Variants in DLG2 observed in about 807,000 individuals in gnomAD.
The protein encoded by DLG2 is disks large homolog 2.
Under a neutral mutation model 132.5 loss-of-function variants are expected in DLG2, and 45 were observed. The ratio of observed to expected loss-of-function variants is 0.34; its 90% confidence interval spans 0.27 to 0.44. DLG2 has a LOEUF of 0.44. Ranked by LOEUF, DLG2 falls within the 20% of genes least tolerant of loss-of-function variation. The pLI is 1.00. For missense variants in DLG2, 1,045 were observed against 1,196.9 expected (o/e 0.87, Z 1.87); for synonymous variants, 424 against 419.6 (o/e 1.01, Z -0.13).
chr11:85,479,854 A>C (rs902127791), intron 3 of DLG2, among the ~76,000 whole-genome samples: 9 of 152,134 alleles, frequency 5.9e-5, no homozygotes, highest in Admixed American at 4.6e-4. Flanking sequence ...TCTTCTCCCA[A>C]TGTCTTCACA....
chr11:85,122,955 A>ATATATATAT (rs1555376332), intron 5 of DLG2, among the ~76,000 whole-genome samples: 13 of 38,160 alleles, frequency 3.4e-4, no homozygotes, highest in East Asian at 1.4e-3. Context: ...TATATTATAT[A>ATATATATAT]TATATATATA....
intron 6 of DLG2, among the ~76,000 whole-genome samples, chr11:84,724,075 T>C (rs116131944): frequency 1.2e-3 from 175 of 152,172 alleles, no homozygotes; most frequent in African/African-American, 4.0e-3. Flanking sequence ...AAAAAAGGGG[T>C]TGTTCATGTT....
intron 5 of DLG2, among the ~76,000 whole-genome samples, chr11:85,139,928 G>C (rs974483228): frequency 2.0e-5 from 3 of 151,920 alleles, no homozygotes; most frequent in Non-Finnish European, 4.4e-5. Flanking sequence ...TTTCCTTTCT[G>C]TGTCTGGCTT....
intron 6 of DLG2, among the ~76,000 whole-genome samples, chr11:84,653,448 T>C (rs2099684524): frequency 6.6e-6 from 1 of 152,192 alleles, no homozygotes; most frequent in Non-Finnish European, 1.5e-5. Context: ...AGTCAGTTAT[T>C]TGAAACCAGT....
intron 7 of DLG2, among the ~76,000 whole-genome samples, chr11:84,274,600 T>C (rs1322451974): frequency 6.6e-6 from 1 of 152,202 alleles, no homozygotes; most frequent in Admixed American, 6.5e-5. Context: ...ACTAATGCCC[T>C]TGTAGTGTTA....
intron 6 of DLG2, among the ~76,000 whole-genome samples, chr11:85,044,666 T>G (rs2062166850): frequency 6.6e-6 from 1 of 151,974 alleles, no homozygotes; most frequent in Non-Finnish European, 1.5e-5. Flanking sequence ...CAGTTTTAAA[T>G]CACTGCTTAA....
Position 85,321,605 on chromosome 11 carries a change from G to A in DLG2, c.41-36240C>T, listed in dbSNP as rs544045792. ...ATTTAGAGATTTGGGAAAATAAACA[G>A]GAAGATCTAGGTAAGATGACTAAGA... is the stretch of plus-strand genomic sequence containing the variant. On this transcript the variant is annotated intron_variant, in intron 3 of 27. Transcript: ENST00000376104. Among the ~76,000 whole-genome samples the A allele has an allele frequency of 4.7e-3, 708 of 152,128 alleles. 2 individuals are homozygous for A. The highest frequency in any genetic ancestry group is 0.016 in the African/African-American group (644 of 41,538).
chr11:84,590,247 G>A (rs1346281466), intron 6 of DLG2, among the ~76,000 whole-genome samples: 2 of 152,154 alleles, frequency 1.3e-5, no homozygotes. Flanking sequence ...TTTAAATGTG[G>A]TAATGGCAGA....
At chr11:85,296,702 G>T (rs540859320) in intron 3 of DLG2, among the ~76,000 whole-genome samples, 1 of 151,268 alleles carries the variant, frequency 6.6e-6, no homozygotes, top group Non-Finnish European at 1.5e-5. Context: ...TTAAATGAAA[G>T]TCTGTAATTT....
At chr11:85,324,796 G>C (rs368579368) in intron 3 of DLG2, among the ~76,000 whole-genome samples, 1 of 152,036 alleles carries the variant, frequency 6.6e-6, no homozygotes, top group Non-Finnish European at 1.5e-5. Flanking sequence ...GAACAGCTCC[G>C]GTCTACAGCT....
chr11:83,499,995 A>G (rs978168457), intron 21 of DLG2, among the ~76,000 whole-genome samples: 10 of 148,430 alleles, frequency 6.7e-5, no homozygotes, highest in Non-Finnish European at 1.0e-4. Context: ...CTTGCTCCCT[A>G]TTCTACTTGG....
At chr11:84,913,399 A>G (rs1429524832) in intron 6 of DLG2, among the ~76,000 whole-genome samples, 1 of 152,210 alleles carries the variant, frequency 6.6e-6, no homozygotes, top group Non-Finnish European at 1.5e-5. Flanking sequence ...TCTCAAAGCT[A>G]TTCCAAGGTT....
chr11:84,468,082 T>C (rs1327650105), intron 7 of DLG2, among the ~76,000 whole-genome samples: 4 of 151,556 alleles, frequency 2.6e-5, no homozygotes, highest in Admixed American at 6.6e-5. Context: ...GAATTAAACA[T>C]GAATAACCTA....
chr11:83,546,090 C>T (rs2096235565), intron 19 of DLG2, among the ~76,000 whole-genome samples: 1 of 152,116 alleles, frequency 6.6e-6, no homozygotes, highest in Non-Finnish European at 1.5e-5. Context: ...CCTCCTACCC[C>T]TCCTGAATTT....
At chr11:84,815,717 T>G (rs938377058) in intron 6 of DLG2, among the ~76,000 whole-genome samples, 1 of 151,998 alleles carries the variant, frequency 6.6e-6, no homozygotes, top group Non-Finnish European at 1.5e-5. Flanking sequence ...ATTTAATGAT[T>G]TTCAAAGCCA....
intron 15 of DLG2, among the ~76,000 whole-genome samples, chr11:83,900,142 C>T (rs1188811443): frequency 2.0e-5 from 3 of 152,082 alleles, no homozygotes; most frequent in African/African-American, 7.2e-5. Flanking sequence ...GGGTATCTGG[C>T]AGAGGAAATT....
At chr11:84,247,228 T>C (rs375812648) in intron 8 of DLG2, among the ~76,000 whole-genome samples, 22 of 152,312 alleles carry the variant, frequency 1.4e-4, no homozygotes, top group African/African-American at 5.1e-4. Flanking sequence ...TATTGAACTC[T>C]AAAGTGTCTG....
chr11:83,600,736 A>G (rs2058402638), intron 19 of DLG2, among the ~76,000 whole-genome samples: 1 of 152,224 alleles, frequency 6.6e-6, no homozygotes, highest in South Asian at 2.1e-4. Flanking sequence ...GCCTGAGCAC[A>G]TGTTCAGTCA....
chr11:85,039,800 T>C (rs554244652), intron 6 of DLG2, among the ~76,000 whole-genome samples: 48 of 152,096 alleles, frequency 3.2e-4, no homozygotes, highest in African/African-American at 1.1e-3. Context: ...TCACTTCTTA[T>C]TTGACTTTGT....
Sources: gnomAD v4.1 joint callset for allele counts (sites outside exome capture counted in the v4.1 genomes callset) on GRCh38, gnomAD v4.1.1 for gene constraint, MANE v1.5 for transcripts, NCBI Gene and HGNC (gene_info 2026-07-23, HGNC 2026-07-21) for gene names.